GSK3B: variants seen among roughly 807,000 people sequenced by gnomAD.
GSK3B encodes the protein glycogen synthase kinase 3 beta, also known as glycogen synthase kinase-3 beta.
A neutral mutation model predicts 56.4 loss-of-function variants in GSK3B; 15 were observed. The observed-to-expected ratio is 0.27, with a 90% CI of 0.18 to 0.41. GSK3B has a LOEUF of 0.41. GSK3B is among the 10% of genes least tolerant of loss of function. GSK3B has a pLI of 1.00. For synonymous variants in GSK3B, 181 were observed against 188.9 expected, an observed-to-expected ratio of 0.96 and a Z score of 0.34; for missense variants, 300 against 513.4, an observed-to-expected ratio of 0.58 and a Z score of 4.02.
chr3:119,864,995 C>A (rs575501908), intron 8 of GSK3B, among the ~76,000 whole-genome samples: 173 of 152,262 alleles, frequency 1.1e-3, no homozygotes, highest in Middle Eastern at 3.4e-3. Context: ...TTTGAATACT[C>A]TGACTCGCCT....
intron 1 of GSK3B, among the ~76,000 whole-genome samples, chr3:120,042,602 G>A (rs2058072483): frequency 6.6e-6 from 1 of 151,902 alleles, no homozygotes. Context: ...TCACTCACTG[G>A]GTCAAATGCA....
intron 9 of GSK3B, among the ~76,000 whole-genome samples, chr3:119,856,660 C>A (rs2056027004): frequency 6.6e-6 from 1 of 152,072 alleles, no homozygotes; most frequent in Non-Finnish European, 1.5e-5. Flanking sequence ...CACTGGCCTA[C>A]CTAGCATTTC....
At chr3:119,865,797 T>C (rs1158100051) in intron 8 of GSK3B, among the ~76,000 whole-genome samples, 5 of 151,964 alleles carry the variant, frequency 3.3e-5, no homozygotes, top group African/African-American at 1.2e-4. Flanking sequence ...AAGTCACCCA[T>C]ATCTTTTGGT....
At chr3:120,064,319 G>A (rs1006508096) in intron 1 of GSK3B, among the ~76,000 whole-genome samples, 1 of 151,704 alleles carries the variant, frequency 6.6e-6, no homozygotes, top group Non-Finnish European at 1.5e-5. Flanking sequence ...ATTTAGCAAA[G>A]TTGCAGAATA....
intron 1 of GSK3B, among the ~76,000 whole-genome samples, chr3:120,073,885 T>C (rs1460804277): frequency 6.6e-6 from 1 of 151,942 alleles, no homozygotes; most frequent in African/African-American, 2.4e-5. Context: ...AGAAAAACAA[T>C]AAAACAAAGA....
At chr3:119,888,010 T>C (rs1288396002) in intron 7 of GSK3B, among the ~76,000 whole-genome samples, 2 of 152,076 alleles carry the variant, frequency 1.3e-5, no homozygotes, top group Admixed American at 1.3e-4. Flanking sequence ...CAAGTGAAAA[T>C]ATCCTTCAAA....
chr3:120,051,766 CAA>C (rs145027294), intron 1 of GSK3B, among the ~76,000 whole-genome samples: 24 of 100,648 alleles, frequency 2.4e-4, no homozygotes, highest in Non-Finnish European at 2.3e-4. Context: ...GACTCTATCT[CAA>C]AAAAAAAAAA....
chr3:119,942,377 C>A (rs2057058412), intron 3 of GSK3B, among the ~76,000 whole-genome samples: 1 of 152,120 alleles, frequency 6.6e-6, no homozygotes, highest in Non-Finnish European at 1.5e-5. Flanking sequence ...CGGCTCACTG[C>A]AACCTCCTCC....
chr3:120,010,174 A>G (rs2057765610), intron 1 of GSK3B, among the ~76,000 whole-genome samples: 1 of 152,190 alleles, frequency 6.6e-6, no homozygotes, highest in South Asian at 2.1e-4. Flanking sequence ...TTCAAGTCTC[A>G]TCCCTCAGTA....
At chr3:119,947,100 T>C (rs1373708158) in intron 3 of GSK3B, among the ~76,000 whole-genome samples, 168 bp downstream of exon 3, 1 of 152,214 alleles carries the variant, frequency 6.6e-6, no homozygotes, top group African/African-American at 2.4e-5. Flanking sequence ...TTTCCTGATA[T>C]AACTAATGAT....
At chr3:119,970,192 C>G (rs1576237824) in intron 2 of GSK3B, among the ~76,000 whole-genome samples, 2 of 152,166 alleles carry the variant, frequency 1.3e-5, no homozygotes, top group Non-Finnish European at 2.9e-5. Context: ...TTAGTGCCAT[C>G]TGCAGTTTCT....
rs992026476 is a variant in GSK3B at position 119,935,483 on chromosome 3, C to G, written c.366+11785G>C. Among the ~76,000 whole-genome samples the G allele has an allele frequency of 7.9e-5, 12 of 151,932 alleles. 1 individual carries two copies. Among genetic ancestry groups the G allele is most frequent in the African/African-American group, 2.4e-5 (1 of 41,380 alleles). ...GACCTTGACCTAATCATATATGAAC[C>G]CACTTTTACTTTCCTAGCCTCATCT... On this transcript the variant is annotated intron_variant, in intron 3 of 10. Transcript: ENST00000264235.
intron 1 of GSK3B, among the ~76,000 whole-genome samples, chr3:120,073,464 A>G (rs1027958622): frequency 3.9e-5 from 6 of 152,116 alleles, no homozygotes; most frequent in African/African-American, 9.7e-5. Flanking sequence ...CTTCTTACCC[A>G]TCTCTCACAG....
intron 1 of GSK3B, among the ~76,000 whole-genome samples, chr3:120,028,179 T>C (rs1425660884): frequency 2.6e-5 from 4 of 152,200 alleles, no homozygotes; most frequent in Non-Finnish European, 2.9e-5. Flanking sequence ...GGGATGTGTG[T>C]TTAAAAGATT....
At chr3:119,974,769 T>C (rs927164437) in intron 2 of GSK3B, among the ~76,000 whole-genome samples, 1 of 152,288 alleles carries the variant, frequency 6.6e-6, no homozygotes, top group African/African-American at 2.4e-5. Flanking sequence ...ATTAATACAC[T>C]GGCATACTAC....
intron 2 of GSK3B, among the ~76,000 whole-genome samples, chr3:119,984,376 T>G (rs895966401): frequency 7.7e-6 from 1 of 129,384 alleles, no homozygotes; most frequent in African/African-American, 3.1e-5. Context: ...CTGAAGGAGA[T>G]AGAGACACAG....
At chr3:120,071,000 T>C (rs985657066) in intron 1 of GSK3B, among the ~76,000 whole-genome samples, 1 of 152,222 alleles carries the variant, frequency 6.6e-6, no homozygotes, top group African/African-American at 2.4e-5. Context: ...ATTAAATGTT[T>C]GTTTCCTCCC....
At position 119,943,256 on chromosome 3, in the gene GSK3B, C is replaced by T. The variant is rs114483366; in HGVS notation, c.366+4012G>A. Among the ~76,000 whole-genome samples, 644 of 152,190 alleles carry T rather than the reference C, an allele frequency of 4.2e-3. 1 individual carries two copies. The highest frequency in any genetic ancestry group is 0.015 in the African/African-American group (608 of 41,502). On this transcript the variant is annotated intron_variant, in intron 3 of 10. Transcript: ENST00000264235. ...TTACAGAAATCCTACTTTAATTCTC[C>T]CAGAGCTGCAAAAGTACTTACAGAC... is the stretch of plus-strand genomic sequence containing the variant.
Position 119,916,040 on chromosome 3 carries a change from T to C in GSK3B, c.608+4A>G, listed in dbSNP as rs762438819. ...AAGGGGCAGGGAGAGGGACAGTAGCTTACCTTCCAAAGTCACAGAGTTTTA... is the reference window on the plus strand; with the variant it reads ...AAGGGGCAGGGAGAGGGACAGTAGCCTACCTTCCAAAGTCACAGAGTTTTA... On this transcript the variant is annotated splice_donor_region_variant and intron_variant, in intron 5 of 10. Coordinates refer to ENST00000264235, the MANE Select transcript of GSK3B (RefSeq NM_001146156.2). The C allele has an allele frequency of 3.7e-6, 6 of 1,609,514 alleles. No homozygotes were observed. The highest frequency in any genetic ancestry group is 1.7e-5 in the Admixed American group (1 of 59,794).
Sources: gnomAD v4.1 joint callset for allele counts (sites outside exome capture counted in the v4.1 genomes callset) on GRCh38, gnomAD v4.1.1 for gene constraint, MANE v1.5 for transcripts, NCBI Gene and HGNC (gene_info 2026-07-23, HGNC 2026-07-21) for gene names.